The following GPR143 variants were observed in gnomAD, a reference collection of about 807,000 sequenced individuals.
GPR143 encodes G-protein coupled receptor 143.
A neutral mutation model predicts 27.6 loss-of-function variants in GPR143; 8 were observed. The observed-to-expected ratio is 0.29, with a 90% confidence interval of 0.17 to 0.52. The LOEUF (loss-of-function observed/expected upper bound fraction) is 0.52. Among genes scored for constraint, GPR143 ranks in the 20% least tolerant of loss-of-function variants. GPR143 has a pLI of 0.96. For missense variants in GPR143, 303 were observed against 343.1 expected, an observed-to-expected ratio of 0.88 and a Z score of 0.92; for synonymous variants, 156 against 153.2, an observed-to-expected ratio of 1.02 and a Z score of -0.13.
At chrX:9,773,900 C>T (rs1358598086) in intron 1 of GPR143, among the ~76,000 whole-genome samples, 2 of 111,500 alleles carry the variant, frequency 1.8e-5, no homozygotes, top group East Asian at 2.8e-4. Flanking sequence ...AAATTACATA[C>T]ACTTCATTGA....
At chrX:9,777,419 C>A (rs941881845) in intron 1 of GPR143, among the ~76,000 whole-genome samples, 3 of 111,275 alleles carry the variant, frequency 2.7e-5, no homozygotes, top group Admixed American at 9.6e-5. Context: ...GCCTGCTGGG[C>A]AGCCATGGTG....
chrX:9,757,325 A>G (rs1354724808), intron 3 of GPR143, among the ~76,000 whole-genome samples: 1 of 111,853 alleles, frequency 8.9e-6, no homozygotes, highest in Admixed American at 9.6e-5. Context: ...ATGACCTAAT[A>G]ACTTCCCAAA....
intron 6 of GPR143, 147 bp downstream of exon 6, chrX:9,743,418 C>T: frequency 2.1e-6 from 1 of 471,534 alleles, no homozygotes; most frequent in Non-Finnish European, 3.8e-6. Flanking sequence ...TGTGCCTTTC[C>T]TCAAAGGGCA....
At position 9,777,134 on chromosome X, in the gene GPR143, C is replaced by T. The variant is rs187613453; in HGVS notation, c.-3+9108G>A. Among the ~76,000 whole-genome samples the T allele has an allele frequency of 5.1e-3, 574 of 112,401 alleles. 2 individuals carry two copies. The highest frequency in any genetic ancestry group is 9.1e-3 in the Middle Eastern group (2 of 219). The stretch of plus-strand genomic sequence containing the variant: ...ACAGATGGACATAATTTACCAACCA[C>T]CACTGTATTGTAGCAAACTAAGTAA... On this transcript the variant is annotated intron_variant, in intron 1 of 7. Coordinates refer to the GPR143 transcript ENST00000447366.
chrX:9,732,081 T>C (rs1350046945), intron 8 of GPR143, among the ~76,000 whole-genome samples: 1 of 111,503 alleles, frequency 9.0e-6, no homozygotes, highest in Non-Finnish European at 1.9e-5. Flanking sequence ...AAATAGAGAA[T>C]TTGTGGCAAA....
chrX:9,757,111 AAT>A (rs2083476787), intron 3 of GPR143, among the ~76,000 whole-genome samples: 1 of 112,661 alleles, frequency 8.9e-6, no homozygotes, highest in African/African-American at 3.2e-5. Flanking sequence ...GCTATAACAA[AAT>A]ATCACACACT....
intron 3 of GPR143, among the ~76,000 whole-genome samples, chrX:9,752,089 G>A (rs1160164134): frequency 2.7e-5 from 3 of 112,464 alleles, no homozygotes; most frequent in Non-Finnish European, 5.6e-5. Context: ...TGTTTTAAGA[G>A]ATGGGGTTTC....
At chrX:9,772,915 G>A (rs1426401642) in intron 1 of GPR143, among the ~76,000 whole-genome samples, 3 of 109,190 alleles carry the variant, frequency 2.7e-5, no homozygotes, top group African/African-American at 1.0e-4. Flanking sequence ...ACTGGCATTT[G>A]TGATGGAATA....
intron 1 of GPR143, among the ~76,000 whole-genome samples, chrX:9,776,635 T>C (rs1471160199): frequency 9.5e-6 from 1 of 105,396 alleles, no homozygotes; most frequent in African/African-American, 3.5e-5. Flanking sequence ...GTGATCCTCC[T>C]GCCTTGGCCT....
At position 9,725,786 on chromosome X, in the gene GPR143, T is replaced by A. The variant is rs772902759; in HGVS notation, c.1175A>T (p.Asn392Ile). The part of the protein sequence containing the change: ...IHTASESCNK[N>I]EGDPALPTHG... The stretch of plus-strand genomic sequence containing the variant: ...GGTTGGGAGAGCAGGGTCACCCTCA[T>A]TTTTGTTGCAGGATTCACTTGCAGT... Residue 392 changes from asparagine to isoleucine, a missense_variant, in exon 9 of 9, where the codon AAT becomes ATT. Coordinates refer to ENST00000467482, the MANE Select transcript of GPR143 (RefSeq NM_000273.3). The A allele has an allele frequency of 8.3e-7, 1 of 1,210,383 alleles. No individual in the cohort carries two copies. Among genetic ancestry groups the A allele is most frequent in the Non-Finnish European group, 1.1e-6 (1 of 894,649 alleles).
At chrX:9,743,716 T>G (rs760400764) in intron 5 of GPR143, 43 bp from the exon 6 acceptor site, 10 of 802,375 alleles carry the variant, frequency 1.2e-5, no homozygotes, top group African/African-American at 4.0e-5. Flanking sequence ...TCATTATTCA[T>G]GTTTACGGAG....
At chrX:9,764,891 G>T (rs1248391051) in intron 1 of GPR143, among the ~76,000 whole-genome samples, 1 of 109,382 alleles carries the variant, frequency 9.1e-6, no homozygotes, top group Non-Finnish European at 1.9e-5. Context: ...GTCGGGCATG[G>T]TGGCGCGCGC....
In GPR143 at chrX:9,746,117, A is replaced by G; in HGVS notation, c.585T>C (p.Tyr195=). Residue 195 remains tyrosine (Y), a synonymous_variant, in exon 5 of 9, where the codon TAT becomes TAC. Coordinates refer to ENST00000467482, the MANE Select transcript of GPR143 (RefSeq NM_000273.3). ...ERGLDHAIPH[Y]VTMYLPLLLV... The stretch of plus-strand genomic sequence containing the variant: ...GCAGCAGGGGCAGGTACATGGTGAC[A>G]TAGTGGGGGATGGCGTGGTCCAGGC... The G allele has an allele frequency of 8.3e-7, 1 of 1,199,785 alleles. No individual in the cohort carries two copies. The highest frequency in any genetic ancestry group is 1.1e-6 in the Non-Finnish European group (1 of 884,427).
intron 6 of GPR143, among the ~76,000 whole-genome samples, chrX:9,742,932 C>G (rs1200461584): frequency 9.0e-6 from 1 of 111,253 alleles, no homozygotes; most frequent in African/African-American, 3.3e-5. Flanking sequence ...CATGGTGAAA[C>G]CTCAACTCTA....
At chrX:9,735,214 T>C (rs187466763) in intron 8 of GPR143, among the ~76,000 whole-genome samples, 153 of 111,939 alleles carry the variant, frequency 1.4e-3, no homozygotes, top group African/African-American at 4.8e-3. Context: ...TACAAGCAAA[T>C]TGCAGTGTCT....
In GPR143 at chrX:9,765,570, A is replaced by G; in HGVS notation, c.248T>C (p.Leu83Pro). The G allele has an allele frequency of 9.3e-7, 1 of 1,074,704 alleles. No homozygotes were observed. Among genetic ancestry groups the G allele is most frequent in the Non-Finnish European group, 1.2e-6 (1 of 829,494 alleles). The allele number at this position is 1,074,704 out of a possible 1,213,427, so 88.6% of individuals were successfully genotyped here. Residue 83 changes from leucine (L) to proline (P), a missense_variant and splice_region_variant, in exon 1 of 9, where the codon CTG becomes CCG. Leu to Pro is a moderately conservative substitution (Grantham distance 98). Coordinates refer to ENST00000467482, the MANE Select transcript of GPR143 (RefSeq NM_000273.3). ...AAAACDLLGC[L>P]GMVIRSTVWL... is the part of the protein sequence containing the mutation. ...CCGCGGGCCGCGCGCGCCCTTACCC[A>G]GGCAGCCGAGAAGGTCGCAGGCAGC... is the stretch of plus-strand genomic sequence containing the variant.
At chrX:9,739,382 C>G (rs2077601669) in intron 8 of GPR143, 103 bp downstream of exon 8, 1 of 561,254 alleles carries the variant, frequency 1.8e-6, no homozygotes, top group Non-Finnish European at 3.1e-6. Context: ...GCTGAACACC[C>G]CGCCATGCAC....
At chrX:9,777,008 G>A (rs773742874) in intron 1 of GPR143, among the ~76,000 whole-genome samples, 16 of 111,880 alleles carry the variant, frequency 1.4e-4, no homozygotes, top group African/African-American at 5.2e-4. Context: ...CCTGGTCTTT[G>A]TTGCAATTAC....
upstream of GPR143, among the ~76,000 whole-genome samples, chrX:9,766,532 C>A (rs144261921): frequency 1.1e-3 from 127 of 111,800 alleles, no homozygotes; most frequent in African/African-American, 2.7e-3. Context: ...TGGAGACCAG[C>A]GTGGGCAACA....
Sources: gnomAD v4.1 joint callset for allele counts (sites outside exome capture counted in the v4.1 genomes callset) on GRCh38, gnomAD v4.1.1 for gene constraint, MANE v1.5 for transcripts, NCBI Gene and HGNC (gene_info 2026-07-23, HGNC 2026-07-21) for gene names.